GRM5: variants seen among roughly 807,000 people sequenced by gnomAD.
The protein encoded by GRM5 is glutamate metabotropic receptor 5, also known as metabotropic glutamate receptor 5.
GRM5 carries 19 observed loss-of-function variants against 83.1 expected under a neutral mutation model. That is an observed-to-expected ratio of 0.23 (90% confidence interval 0.16 to 0.34). The LOEUF is 0.34. GRM5 is among the 10% of genes least tolerant of loss of function. GRM5 has a pLI of 1.00. For missense variants in GRM5, 1,160 were observed against 1,588.3 expected (o/e 0.73, Z 4.58); for synonymous variants, 675 against 633.6 (o/e 1.07, Z -0.98).
At chr11:88,533,809 C>T (rs948361067) in intron 8 of GRM5, among the ~76,000 whole-genome samples, 1 of 152,178 alleles carries the variant, frequency 6.6e-6, no homozygotes, top group Non-Finnish European at 1.5e-5. Context: ...GCAGCCCCTT[C>T]CATCACAGAT....
At chr11:88,534,270 C>T (rs1942083365) in intron 8 of GRM5, among the ~76,000 whole-genome samples, 1 of 152,182 alleles carries the variant, frequency 6.6e-6, no homozygotes, top group Admixed American at 6.5e-5. Context: ...ACGACTTGCA[C>T]TGTGTGCCTG....
intron 2 of GRM5, among the ~76,000 whole-genome samples, chr11:89,012,938 A>G (rs1396051393): frequency 1.3e-5 from 2 of 152,372 alleles, no homozygotes; most frequent in African/African-American, 4.8e-5. Context: ...TCTAGTTTGC[A>G]TAAAATCAAC....
chr11:88,593,790 CTCTTTTTCTCTTTCTT>C (rs1381737625), intron 6 of GRM5, among the ~76,000 whole-genome samples: 1 of 40,640 alleles, frequency 2.5e-5, no homozygotes, highest in Non-Finnish European at 1.4e-4. Flanking sequence ...CTCTCTTTCT[CTCTTTTTCTCTTTCTT>C]TCTTTTTGAC....
At chr11:88,669,558 AT>A (rs1369453436) in intron 3 of GRM5, among the ~76,000 whole-genome samples, 4 of 152,106 alleles carry the variant, frequency 2.6e-5, no homozygotes, top group African/African-American at 9.6e-5. Context: ...ATCTGAAATA[AT>A]CTATAGATAT....
At position 88,652,919 on chromosome 11, in the gene GRM5, A is replaced by G. The variant is rs537516109; in HGVS notation, c.1147+249T>C. 8.5e-5 allele frequency among the ~76,000 whole-genome samples: 13 copies of G among 152,182 alleles called. No homozygotes were observed. The East Asian group carries it at 2.3e-3, about 27-fold the overall frequency. On this transcript the variant is annotated intron_variant, in intron 4 of 9. Coordinates refer to ENST00000305447, the MANE Select transcript of GRM5 (RefSeq NM_001143831.3). ...TGTTTTTAGCACAATGCCTTATGGA[A>G]ATACATTCAATTTTTTGAATGATAC... is the stretch of plus-strand genomic sequence containing the variant.
At chr11:89,020,582 T>G (rs774334247) in intron 2 of GRM5, among the ~76,000 whole-genome samples, 2 of 152,164 alleles carry the variant, frequency 1.3e-5, no homozygotes, top group Non-Finnish European at 2.9e-5. Context: ...TCAATTACAC[T>G]AGTAGGTAGT....
chr11:88,969,481 CCAAT>C (rs1175818049), intron 2 of GRM5, among the ~76,000 whole-genome samples: 1 of 152,034 alleles, frequency 6.6e-6, no homozygotes, highest in Non-Finnish European at 1.5e-5. Flanking sequence ...TTTACTGAAA[CCAAT>C]CAGTGATCTC....
intron 2 of GRM5, among the ~76,000 whole-genome samples, chr11:89,032,017 A>C (rs1338100100): frequency 1.3e-5 from 2 of 152,100 alleles, no homozygotes; most frequent in Non-Finnish European, 2.9e-5. Context: ...CATCATAAAT[A>C]TTGCATACAT....
At chr11:89,042,987 A>C (rs775249374) in intron 2 of GRM5, among the ~76,000 whole-genome samples, 3 of 152,214 alleles carry the variant, frequency 2.0e-5, no homozygotes, top group Admixed American at 1.3e-4. Flanking sequence ...CATTAGACAG[A>C]AATAATAAAT....
intron 2 of GRM5, among the ~76,000 whole-genome samples, chr11:88,928,913 C>T (rs79989330): frequency 3.1e-3 from 120 of 38,314 alleles, no homozygotes; most frequent in East Asian, 5.8e-3. Context: ...TATATACACA[C>T]ACACACACAC....
intron 2 of GRM5, among the ~76,000 whole-genome samples, chr11:88,994,853 A>T (rs1940126911): frequency 6.6e-6 from 1 of 152,068 alleles, no homozygotes; most frequent in Non-Finnish European, 1.5e-5. Context: ...TTATGGTTTT[A>T]GTTATCTTAA....
chr11:88,765,411 AAAAAC>A (rs1378831163), intron 3 of GRM5, among the ~76,000 whole-genome samples: 6 of 143,218 alleles, frequency 4.2e-5, no homozygotes, highest in African/African-American at 1.1e-4. Flanking sequence ...AAAAAAAAAA[AAAAAC>A]AAAGTGGAAG....
chr11:88,766,264 G>A (rs2199580), intron 3 of GRM5, among the ~76,000 whole-genome samples: 109,793 of 151,806 alleles, frequency 0.72, 40,124 homozygotes, highest in African/African-American at 0.75. Flanking sequence ...TCCTCAGCAA[G>A]AAGTACAAAG....
intron 7 of GRM5, among the ~76,000 whole-genome samples, chr11:88,580,473 C>A (rs1369292533): frequency 1.3e-5 from 2 of 152,028 alleles, no homozygotes; most frequent in African/African-American, 2.4e-5. Flanking sequence ...ATGCTAGATC[C>A]TTTTTGGGAA....
intron 3 of GRM5, among the ~76,000 whole-genome samples, chr11:88,684,219 C>A (rs141092827): frequency 6.6e-6 from 1 of 152,094 alleles, no homozygotes; most frequent in Non-Finnish European, 1.5e-5. Context: ...GAGAGGAACA[C>A]GATCACATTT....
rs578167716 is a variant in GRM5 at position 88,696,822 on chromosome 11, T to A, written c.912-43419A>T. On this transcript the variant is annotated intron_variant, in intron 3 of 9. Coordinates refer to ENST00000305447, the MANE Select transcript of GRM5 (RefSeq NM_001143831.3). ...ACATGTAATTTGGTGTTATTACCTT[T>A]GAATAAGATAAATGGAAGAAATCTT... 7.2e-5 allele frequency among the ~76,000 whole-genome samples: 11 copies of A among 152,346 alleles called. No homozygotes were observed. The South Asian group carries it at 2.3e-3, about 32-fold the overall frequency.
At chr11:88,585,781 G>A (rs1471948558) in intron 7 of GRM5, among the ~76,000 whole-genome samples, 2 of 152,106 alleles carry the variant, frequency 1.3e-5, no homozygotes, top group Non-Finnish European at 2.9e-5. Context: ...TTATCTCCAT[G>A]AGGGCAGGGA....
chr11:88,685,820 G>T (rs1486772594), intron 3 of GRM5, among the ~76,000 whole-genome samples: 1 of 152,206 alleles, frequency 6.6e-6, no homozygotes, highest in Non-Finnish European at 1.5e-5. Context: ...AAGAATTGGG[G>T]TTTGGAAACC....
At chr11:88,651,731 A>G (rs1418432140) in intron 4 of GRM5, among the ~76,000 whole-genome samples, 3 of 152,048 alleles carry the variant, frequency 2.0e-5, no homozygotes, top group African/African-American at 7.2e-5. Context: ...CTATGTTGCA[A>G]TGATTTCTGG....
Sources: allele counts gnomAD v4.1 joint callset (sites outside exome capture counted in the v4.1 genomes callset), GRCh38; gene constraint gnomAD v4.1.1; transcripts MANE v1.5; gene names NCBI Gene and HGNC (gene_info 2026-07-23, HGNC 2026-07-21).